Variants in COL1A2 observed in about 807,000 individuals in gnomAD.
COL1A2 encodes collagen alpha-2(I) chain.
A neutral mutation model predicts 174.3 loss-of-function variants in COL1A2; 49 were observed. That is an observed-to-expected ratio of 0.28 (90% confidence interval 0.22 to 0.36). COL1A2 has a LOEUF of 0.36. Ranked by LOEUF, COL1A2 falls within the 10% of genes least tolerant of loss-of-function variation. COL1A2 has a pLI of 1.00. For synonymous variants in COL1A2, 655 were observed against 606.6 expected (o/e 1.08, Z -1.17); for missense variants, 1,438 against 1,822.7 (o/e 0.79, Z 3.84).
intron 40 of COL1A2, 81 bp downstream of exon 40, chr7:94,423,199 C>A: frequency 1.3e-6 from 2 of 1,535,314 alleles, no homozygotes; most frequent in South Asian, 1.1e-5. Flanking sequence ...CAAGTGGCAT[C>A]TATTTGTTGA....
At chr7:94,411,854 A>G (rs1039719572) in intron 23 of COL1A2, among the ~76,000 whole-genome samples, 1 of 152,238 alleles carries the variant, frequency 6.6e-6, no homozygotes, top group Non-Finnish European at 1.5e-5. Context: ...GAGTTGCACT[A>G]AATTTCAATA....
intron 15 of COL1A2, 63 bp from the exon 16 acceptor site, chr7:94,408,707 A>G: frequency 1.9e-6 from 3 of 1,555,374 alleles, no homozygotes; most frequent in Non-Finnish European, 2.7e-6. Flanking sequence ...ATCTTCTGCC[A>G]TTGTTATTGT....
Position 94,413,095 on chromosome 7 carries a change from A to G in COL1A2, c.1516A>G (p.Lys506Glu). 1 of 1,614,172 alleles carries G rather than the reference A, an allele frequency of 6.2e-7. No homozygotes were observed. Among genetic ancestry groups the G allele is most frequent in the Non-Finnish European group, 8.5e-7 (1 of 1,180,000 alleles). ...GPKGPTGDPG[K>E]NGDKGHAGLA... ...ATTTTTACTCTAGGGTGATCCTGGCAAAAACGGTGATAAAGGTCATGCTGG... is the reference window on the plus strand; with the variant it reads ...ATTTTTACTCTAGGGTGATCCTGGCGAAAACGGTGATAAAGGTCATGCTGG... Residue 506 changes from lysine to glutamate, a missense_variant, in exon 26 of 52, where the codon AAA becomes GAA. Coordinates refer to ENST00000297268, the MANE Select transcript of COL1A2 (RefSeq NM_000089.4).
intron 34 of COL1A2, 78 bp from the exon 35 acceptor site, chr7:94,420,155 C>G: frequency 6.3e-7 from 1 of 1,581,430 alleles, no homozygotes; most frequent in Non-Finnish European, 8.7e-7. Context: ...GTCTGTCCAC[C>G]ACTGTTCTCT....
chr7:94,408,699 C>T lies in COL1A2; in HGVS notation c.739-71C>T, dbSNP rs1791855656. The stretch of plus-strand genomic sequence containing the variant: ...TCATGCCACTGTAAGCAACTTCAAT[C>T]TTCTGCCATTGTTATTGTTTTCTTA... On this transcript the variant is annotated intron_variant, in intron 15 of 51. Coordinates refer to ENST00000297268, the MANE Select transcript of COL1A2 (RefSeq NM_000089.4). 3 of 1,530,264 alleles carry T rather than the reference C, an allele frequency of 2.0e-6. No individual in the cohort carries two copies. The East Asian group carries it at 6.7e-5, about 34-fold the overall frequency. The allele number at this position is 1,530,264 out of a possible 1,614,324, so 94.8% of individuals were successfully genotyped here.
intron 40 of COL1A2, 75 bp from the exon 41 acceptor site, chr7:94,424,261 C>A (rs1322453984): frequency 2.4e-6 from 3 of 1,263,254 alleles, no homozygotes; most frequent in Non-Finnish European, 3.5e-6. Flanking sequence ...ACAGTTTATT[C>A]TCACAATCTT....
chr7:94,422,664 A>G (rs180929625), intron 39 of COL1A2: 2 of 406,386 alleles, frequency 4.9e-6, no homozygotes, highest in East Asian at 5.3e-5. Flanking sequence ...CATTCTACAT[A>G]GTTCTGATTC....
intron 2 of COL1A2, 74 bp from the exon 3 acceptor site, chr7:94,398,308 A>G: frequency 2.0e-6 from 1 of 506,684 alleles, no homozygotes. Context: ...TGTATACTAC[A>G]CCAAAATGGA....
intron 14 of COL1A2, 50 bp downstream of exon 14, chr7:94,408,286 A>G: frequency 1.2e-6 from 2 of 1,613,756 alleles, no homozygotes; most frequent in Admixed American, 3.3e-5. Flanking sequence ...AAATCTTCTA[A>G]TGGCTGTCAT....
At chr7:94,426,302 C>G in intron 45 of COL1A2, 121 bp from the exon 46 acceptor site, 2 of 974,394 alleles carry the variant, frequency 2.1e-6, no homozygotes, top group South Asian at 2.8e-5. Context: ...GAGGTGAGAG[C>G]CTAGCTAAAC....
At chr7:94,405,535 C>T (rs1312883747) in intron 10 of COL1A2, 138 bp from the exon 11 acceptor site, 9 of 845,008 alleles carry the variant, frequency 1.1e-5, no homozygotes, top group Non-Finnish European at 1.8e-5. Context: ...GTTAATTTGT[C>T]ACTCTGTGCT....
At chr7:94,428,185 C>T (rs1792323811) in intron 49 of COL1A2, 108 bp from the exon 50 acceptor site, 4 of 1,025,934 alleles carry the variant, frequency 3.9e-6, no homozygotes, top group South Asian at 2.6e-5. Flanking sequence ...ATGGGGTAGA[C>T]AATCAAAAAT....
intron 27 of COL1A2, 38 bp downstream of exon 27, chr7:94,413,781 G>C: frequency 1.9e-6 from 3 of 1,612,260 alleles, no homozygotes; most frequent in Non-Finnish European, 2.5e-6. Flanking sequence ...TTCTGCACTA[G>C]AATGTATATA....
At chr7:94,397,077 T>C (rs1791598971) in intron 1 of COL1A2, among the ~76,000 whole-genome samples, 1 of 152,176 alleles carries the variant, frequency 6.6e-6, no homozygotes, top group Non-Finnish European at 1.5e-5. Context: ...ACAAAAATGA[T>C]ACATATTGGT....
intron 5 of COL1A2, among the ~76,000 whole-genome samples, 168 bp from the exon 6 acceptor site, chr7:94,401,399 G>C (rs1791684660): frequency 6.6e-6 from 1 of 151,960 alleles, no homozygotes; most frequent in African/African-American, 2.4e-5. Flanking sequence ...AACTTTTTAG[G>C]AATTTAGTTC....
rs878892291 is a variant in COL1A2 at position 94,401,544 on chromosome 7, A to T, written c.226-23A>T. On this transcript the variant is annotated intron_variant, in intron 5 of 51. Transcript: ENST00000297268. Reference sequence around the variant, plus strand: ...TAAAAATATTTTATATATATATATAATTTTTTTTTTTTACTTCTCTAGAAC... The same window carrying T: ...TAAAAATATTTTATATATATATATATTTTTTTTTTTTTACTTCTCTAGAAC... The T allele has an allele frequency of 6.5e-5, 62 of 951,094 alleles. No homozygotes were observed. The highest frequency in any genetic ancestry group is 4.0e-4 in the African/African-American group (23 of 57,426). 58.9% of individuals were successfully genotyped at this position (951,094 alleles called of 1,614,324 possible). A position where few individuals can be genotyped will look rare whatever the true frequency, so the allele number is the denominator to read the frequency against.
At chr7:94,424,619 GAC>G in intron 41 of COL1A2, 176 bp downstream of exon 41, 1 of 614,942 alleles carries the variant, frequency 1.6e-6, no homozygotes, top group East Asian at 2.9e-5. Context: ...ACCTTACTTA[GAC>G]ACACACTATA....
chr7:94,408,116 C>T (rs369206985), intron 13 of COL1A2, 67 bp from the exon 14 acceptor site: 116 of 1,536,704 alleles, frequency 7.5e-5, no homozygotes, highest in Non-Finnish European at 1.0e-4. Flanking sequence ...CTGAACAAAG[C>T]AAATGATGCC....
At chr7:94,399,281 G>A (rs536750296) in intron 4 of COL1A2, among the ~76,000 whole-genome samples, 197 bp downstream of exon 4, 28 of 152,156 alleles carry the variant, frequency 1.8e-4, no homozygotes, top group South Asian at 6.2e-4. Context: ...CAAAATTACC[G>A]TTAAAAAAGA....
Sources: allele counts gnomAD v4.1 joint callset (sites outside exome capture counted in the v4.1 genomes callset), GRCh38; gene constraint gnomAD v4.1.1; transcripts MANE v1.5; gene names NCBI Gene and HGNC (gene_info 2026-07-23, HGNC 2026-07-21).